Variants in DST observed in about 807,000 individuals in gnomAD.
DST encodes dystonin.
A neutral mutation model predicts 875.2 loss-of-function variants in DST; 253 were observed. The ratio of observed to expected loss-of-function variants is 0.29; its 90% CI spans 0.26 to 0.32. The LOEUF (loss-of-function observed/expected upper bound fraction) is 0.32, where lower values mean the gene tolerates loss of function less well. Among genes scored for constraint, DST ranks in the 10% least tolerant of loss-of-function variants. DST has a pLI of 1.00. For missense variants in DST, 8,287 were observed against 9,111.6 expected (o/e 0.91, Z 3.68); for synonymous variants, 3,124 against 3,197.1 (o/e 0.98, Z 0.77).
chr6:56,880,709 A>G (rs1333133665), intron 3 of DST, among the ~76,000 whole-genome samples: 1 of 151,850 alleles, frequency 6.6e-6, no homozygotes, highest in Admixed American at 6.6e-5. Context: ...AAAGAAAAAA[A>G]AAAAAAAGAA....
intron 4 of DST, among the ~76,000 whole-genome samples, chr6:56,774,433 C>G (rs892265706): frequency 1.3e-5 from 2 of 152,226 alleles, no homozygotes; most frequent in Non-Finnish European, 2.9e-5. Flanking sequence ...ACTTCCCTGA[C>G]AGCCCATCAT....
At chr6:56,509,560 T>C (rs1021269727) in intron 74 of DST, 82 bp downstream of exon 74, 13 of 1,061,460 alleles carry the variant, frequency 1.2e-5, no homozygotes, top group Admixed American at 2.2e-5. Context: ...ATGCGGCATT[T>C]TGTTATCCAA....
chr6:56,734,026 C>T (rs552944027), intron 5 of DST, among the ~76,000 whole-genome samples: 1 of 152,332 alleles, frequency 6.6e-6, no homozygotes, highest in Admixed American at 6.5e-5. Flanking sequence ...ATCCACACCC[C>T]AAACTTTACA....
At chr6:56,585,806 G>C (rs573253370) in intron 49 of DST, among the ~76,000 whole-genome samples, 1 of 151,890 alleles carries the variant, frequency 6.6e-6, no homozygotes, top group African/African-American at 2.4e-5. Flanking sequence ...CTTTGTTCTC[G>C]TTGGTTTCAA....
In DST at chr6:56,565,673, C is replaced by T. The variant is rs571390580; in HGVS notation, c.14005+2796G>A. Among the ~76,000 whole-genome samples the T allele has an allele frequency of 1.1e-4, 16 of 152,312 alleles. No homozygotes were observed. In the South Asian group the frequency reaches 1.2e-3, roughly 12 times the overall value. The stretch of plus-strand genomic sequence containing the variant: ...GTGTCTTCCAGTCAGGAGGCACAGG[C>T]GTCAGGAACCCACTTGAGATGGCAG... On this transcript the variant is annotated intron_variant, in intron 55 of 103. Coordinates refer to ENST00000680361, the MANE Select transcript of DST (RefSeq NM_001374736.1).
intron 2 of DST, among the ~76,000 whole-genome samples, chr6:56,916,776 T>TCC (rs1179291069): frequency 1.4e-5 from 1 of 71,936 alleles, no homozygotes; most frequent in South Asian, 6.4e-4. Flanking sequence ...TCTCTCTCTC[T>TCC]CTCACACACA....
intron 36 of DST, chr6:56,618,021 C>A: frequency 1.2e-6 from 2 of 1,614,178 alleles, no homozygotes; most frequent in Non-Finnish European, 1.7e-6. Context: ...AGTTCCATTT[C>A]ACATGCGTTA....
At chr6:56,559,647 C>G (rs2097502123) in intron 58 of DST, among the ~76,000 whole-genome samples, 1 of 152,010 alleles carries the variant, frequency 6.6e-6, no homozygotes, top group Admixed American at 6.6e-5. Flanking sequence ...AAAATTATTA[C>G]CGTTCTCTTA....
intron 3 of DST, among the ~76,000 whole-genome samples, chr6:56,889,733 A>G (rs1330064682): frequency 6.6e-6 from 1 of 152,240 alleles, no homozygotes; most frequent in East Asian, 1.9e-4. Flanking sequence ...CCCACCCCCA[A>G]TCTCAAACAC....
intron 91 of DST, among the ~76,000 whole-genome samples, chr6:56,477,059 GA>G (rs1427974718): frequency 6.6e-6 from 1 of 152,152 alleles, no homozygotes. Context: ...CCAACTGCTG[GA>G]TTATTCAACA....
intron 4 of DST, among the ~76,000 whole-genome samples, chr6:56,748,554 T>C (rs2099578904): frequency 6.6e-6 from 1 of 152,196 alleles, no homozygotes; most frequent in East Asian, 1.9e-4. Flanking sequence ...ATACACTGGC[T>C]TCCTAGACAC....
intron 18 of DST, 35 bp downstream of exon 18, chr6:56,640,108 A>G (rs1410746344): frequency 6.2e-7 from 1 of 1,613,464 alleles, no homozygotes; most frequent in Admixed American, 1.7e-5. Flanking sequence ...AACAATAAAG[A>G]CTGAAACACT....
intron 3 of DST, among the ~76,000 whole-genome samples, chr6:56,884,412 T>C (rs1478020820): frequency 6.6e-6 from 1 of 152,204 alleles, no homozygotes; most frequent in Non-Finnish European, 1.5e-5. Context: ...CTGTATTTTA[T>C]GTAAATCTAT....
At chr6:56,619,342 T>C in intron 36 of DST, 1 of 1,613,524 alleles carries the variant, frequency 6.2e-7, no homozygotes, top group Non-Finnish European at 8.5e-7. Context: ...ACTCATTACT[T>C]TTCTCCAATT....
intron 36 of DST, among the ~76,000 whole-genome samples, chr6:56,622,641 T>C (rs1000858423): frequency 2.7e-5 from 4 of 150,766 alleles, no homozygotes; most frequent in African/African-American, 9.8e-5. Flanking sequence ...GAAAAATTAC[T>C]AGAAATAATT....
intron 4 of DST, among the ~76,000 whole-genome samples, chr6:56,807,674 T>C (rs376074828): frequency 3.3e-5 from 5 of 152,336 alleles, no homozygotes; most frequent in African/African-American, 1.2e-4. Context: ...CTGGAAAAAC[T>C]AGACATTCAT....
At chr6:56,526,305 C>A in intron 69 of DST, 56 bp downstream of exon 69, 1 of 1,555,206 alleles carries the variant, frequency 6.4e-7, no homozygotes, top group African/African-American at 1.4e-5. Flanking sequence ...CAGGTAAAAG[C>A]TCCAAGAACA....
chr6:56,728,221 A>G (rs887461707), intron 5 of DST, among the ~76,000 whole-genome samples: 1 of 152,248 alleles, frequency 6.6e-6, no homozygotes, highest in African/African-American at 2.4e-5. Flanking sequence ...AATGACTTAT[A>G]ATTGCTTAAA....
At chr6:56,487,603 C>T (rs2095609152) in intron 86 of DST, among the ~76,000 whole-genome samples, 1 of 152,150 alleles carries the variant, frequency 6.6e-6, no homozygotes, top group African/African-American at 2.4e-5. Context: ...TTTCAACTTA[C>T]AGAGGGTTTA....
Sources: gnomAD v4.1 joint callset for allele counts (sites outside exome capture counted in the v4.1 genomes callset) on GRCh38, gnomAD v4.1.1 for gene constraint, MANE v1.5 for transcripts, NCBI Gene and HGNC (gene_info 2026-07-23, HGNC 2026-07-21) for gene names.